The following AGGF1 variants were observed in gnomAD, a reference collection of about 807,000 sequenced individuals.
AGGF1 encodes angiogenic factor with G patch and FHA domains 1.
AGGF1 carries 56 observed loss-of-function variants against 86.5 expected under a neutral mutation model. That is an observed-to-expected ratio of 0.65 (90% CI 0.52 to 0.81). The LOEUF (loss-of-function observed/expected upper bound fraction) is 0.81, where lower values mean the gene tolerates loss of function less well. AGGF1 is among the 30% of genes least tolerant of loss of function. The pLI, the probability that AGGF1 is intolerant of heterozygous loss-of-function variation, is 0.00. For synonymous variants in AGGF1, 313 were observed against 297.1 expected, an observed-to-expected ratio of 1.05 and a Z score of -0.55; for missense variants, 816 against 850.9, an observed-to-expected ratio of 0.96 and a Z score of 0.51.
intron 7 of AGGF1, among the ~76,000 whole-genome samples, chr5:77,048,504 A>C (rs562424376): frequency 2.0e-5 from 3 of 152,216 alleles, no homozygotes; most frequent in Non-Finnish European, 4.4e-5. Context: ...GGCGTGCACC[A>C]CCACGCCCAG....
At chr5:77,051,128 CTAA>C (rs75540354) in intron 8 of AGGF1, among the ~76,000 whole-genome samples, 18,653 of 152,040 alleles carry the variant, frequency 0.12, 1,231 homozygotes, top group East Asian at 0.28. Flanking sequence ...ACCCAAATGG[CTAA>C]TAAATATTAA....
chr5:77,046,981 A>G (rs2150731769), intron 6 of AGGF1, among the ~76,000 whole-genome samples: 1 of 152,314 alleles, frequency 6.6e-6, no homozygotes, highest in East Asian at 1.9e-4. Context: ...AGTGGGTTAG[A>G]TATTTGTAGT....
At chr5:77,052,352 C>CA (rs947891092) in intron 8 of AGGF1, among the ~76,000 whole-genome samples, 153 of 130,206 alleles carry the variant, frequency 1.2e-3, no homozygotes, top group African/African-American at 3.9e-3. Context: ...GACCCTGTCT[C>CA]AAAAAAAAAA....
At chr5:77,062,932 G>T in intron 13 of AGGF1, 120 bp from the exon 14 acceptor site, 1 of 967,334 alleles carries the variant, frequency 1.0e-6, no homozygotes, top group Non-Finnish European at 1.7e-6. Context: ...GCATCTGACA[G>T]GTTTTTCTTT....
chr5:77,044,811 G>C (rs1747213903), intron 5 of AGGF1, among the ~76,000 whole-genome samples: 1 of 152,122 alleles, frequency 6.6e-6, no homozygotes, highest in South Asian at 2.1e-4. Context: ...AACTTACGCT[G>C]TTATCAAAGA....
In AGGF1 at chr5:77,039,716, A is replaced by G; in HGVS notation, c.867A>G (p.Glu289=). The change falls in exon 5 of 14, where the codon GAA becomes GAG. Residue 289 remains glutamate, a synonymous_variant. Coordinates refer to ENST00000312916, the MANE Select transcript of AGGF1 (RefSeq NM_018046.5). The part of the protein sequence containing the change: ...KDPDSSATNE[E]KDLNSEDQKA... Reference sequence around the variant, plus strand: ...CAGATTCTTCTGCAACAAATGAGGAAAAGGTAATGTCTTTACAATTTTAAA... The same window carrying G: ...CAGATTCTTCTGCAACAAATGAGGAGAAGGTAATGTCTTTACAATTTTAAA... 1 of 1,610,168 alleles carries G rather than the reference A, an allele frequency of 6.2e-7. No individual in the cohort carries two copies. Among genetic ancestry groups the G allele is most frequent in the Non-Finnish European group, 8.5e-7 (1 of 1,177,586 alleles).
At chr5:77,044,824 G>C (rs1747214151) in intron 5 of AGGF1, among the ~76,000 whole-genome samples, 1 of 152,086 alleles carries the variant, frequency 6.6e-6, no homozygotes, top group South Asian at 2.1e-4. Context: ...ATCAAAGATA[G>C]GTATGTGAGG....
chr5:77,043,680 A>T (rs1252059462), intron 5 of AGGF1, among the ~76,000 whole-genome samples: 6 of 97,542 alleles, frequency 6.2e-5, no homozygotes, highest in East Asian at 3.1e-4. Context: ...CGGGGGGCTG[A>T]TCCCCCCCAC....
At position 77,030,676 on chromosome 5, in the gene AGGF1, C is replaced by T. The variant is rs990899140; in HGVS notation, c.-91C>T. The T allele has an allele frequency of 1.6e-5, 23 of 1,431,898 alleles. No homozygotes were observed. The highest frequency in any genetic ancestry group is 4.0e-5 in the Admixed American group (2 of 50,424). The allele number at this position is 1,431,898 out of a possible 1,614,324, so 88.7% of individuals were successfully genotyped here. ...GGGTGTGAGGCTGCCTTTCGCTGCC[C>T]GCGCGCTCCAGTGGTCTCTGGGTCC... is the stretch of plus-strand genomic sequence containing the variant. On this transcript the variant is annotated 5_prime_UTR_variant, in exon 1 of 14. Coordinates refer to ENST00000312916, the MANE Select transcript of AGGF1 (RefSeq NM_018046.5).
chr5:77,036,416 G>C (rs1046320633), intron 3 of AGGF1, 140 bp from the exon 4 acceptor site: 1 of 889,190 alleles, frequency 1.1e-6, no homozygotes, highest in African/African-American at 1.7e-5. Context: ...AGTGGTTCAA[G>C]TCATAATTGA....
At chr5:77,040,967 A>AT (rs1236405577) in intron 5 of AGGF1, among the ~76,000 whole-genome samples, 1 of 152,144 alleles carries the variant, frequency 6.6e-6, no homozygotes, top group Non-Finnish European at 1.5e-5. Flanking sequence ...AGCTCAAGTG[A>AT]TCTGCCTACC....
intron 5 of AGGF1, among the ~76,000 whole-genome samples, chr5:77,045,401 A>G (rs891146865): frequency 6.6e-6 from 1 of 152,192 alleles, no homozygotes; most frequent in Non-Finnish European, 1.5e-5. Context: ...TACATTGTGT[A>G]CGTATTTCAA....
rs1289240954 is a variant in AGGF1 at position 77,063,100 on chromosome 5, C to G, written c.1993C>G (p.Pro665Ala). The G allele has an allele frequency of 6.2e-7, 1 of 1,613,848 alleles. No individual in the cohort carries two copies. Among genetic ancestry groups the G allele is most frequent in the African/African-American group, 1.3e-5 (1 of 74,844 alleles). Residue 665 changes from proline (P) to alanine (A), a missense_variant, in exon 14 of 14, where the codon CCA (proline) becomes GCA (alanine). This residue lies in a region of AGGF1 where 565 missense variants were observed against 585.8 expected (regional missense o/e 0.96). Coordinates refer to ENST00000312916, the MANE Select transcript of AGGF1 (RefSeq NM_018046.5). Reference sequence around the variant, plus strand: ...ACATGCAGGCTTGGGGACAGGCAAACCATCCTCATTTGAAGATGTTCACCT... The same window carrying G: ...ACATGCAGGCTTGGGGACAGGCAAAGCATCCTCATTTGAAGATGTTCACCT... Reference protein sequence around the residue: ...RTHAGLGTGKPSSFEDVHLLQ... With the variant: ...RTHAGLGTGKASSFEDVHLLQ...
rs1354752747 is a variant in AGGF1, at chr5:77,030,509, T to C, written c.-258T>C. On this transcript the variant is annotated 5_prime_UTR_variant, in exon 1 of 14. Coordinates refer to ENST00000312916, the MANE Select transcript of AGGF1 (RefSeq NM_018046.5). ...CCTCTGTCTCTGTAGCTGGAGAAGG[T>C]AGTTTCCAGGAAAGTTTTCCGGTTT... 3.0e-6 allele frequency: 2 copies of C among 667,228 alleles called. No homozygotes were observed. Among genetic ancestry groups the C allele is most frequent in the Non-Finnish European group, 5.5e-6 (2 of 362,886 alleles). The allele number at this position is 667,228 out of a possible 1,614,324, so 41.3% of individuals were successfully genotyped here.
intron 9 of AGGF1, 25 bp from the exon 10 acceptor site, chr5:77,053,940 G>T: frequency 6.2e-7 from 1 of 1,612,218 alleles, no homozygotes; most frequent in Non-Finnish European, 8.5e-7. Flanking sequence ...TTTGATTTCT[G>T]TTTTGTAAAA....
intron 8 of AGGF1, 36 bp downstream of exon 8, chr5:77,049,023 A>T: frequency 6.3e-7 from 1 of 1,596,174 alleles, no homozygotes. Flanking sequence ...AGTCCCCTAG[A>T]TGTAATTTTT....
rs1747396973 is a variant in AGGF1, at chr5:77,052,798, G to C, written c.1458G>C (p.Gln486His). Residue 486 changes from glutamine (Q) to histidine (H), a missense_variant, in exon 9 of 14, where the codon CAG becomes CAC. This residue lies in a region of AGGF1 where 565 missense variants were observed against 585.8 expected (regional missense o/e 0.96). Coordinates refer to ENST00000312916, the MANE Select transcript of AGGF1 (RefSeq NM_018046.5). ...SQNGTIVNGKQILQPKTKCDP... is the reference protein window; with the variant it reads ...SQNGTIVNGKHILQPKTKCDP... ...ATGGCACAATTGTTAATGGAAAACA[G>C]ATTCTTCAGGTGAGTGTATATGTGT... 3 of 1,611,780 alleles carry C rather than the reference G, an allele frequency of 1.9e-6. No homozygotes were observed. Among genetic ancestry groups the C allele is most frequent in the Non-Finnish European group, 2.5e-6 (3 of 1,178,130 alleles).
intron 6 of AGGF1, 150 bp from the exon 7 acceptor site, chr5:77,048,011 A>G (rs1747302232): frequency 1.5e-6 from 1 of 667,886 alleles, no homozygotes; most frequent in African/African-American, 1.8e-5. Context: ...ATTGCTGCGT[A>G]TTATACAGCA....
chr5:77,031,127 C>A, intron 1 of AGGF1, 151 bp downstream of exon 1: 1 of 858,514 alleles, frequency 1.2e-6, no homozygotes, highest in Non-Finnish European at 1.8e-6. Flanking sequence ...GTTACAATTC[C>A]AAGTACCTTA....
Sources: gnomAD v4.1 joint callset for allele counts (sites outside exome capture counted in the v4.1 genomes callset) on GRCh38, gnomAD v4.1.1 for gene constraint, gnomAD v4.1.1 regional missense constraint, MANE v1.5 for transcripts, NCBI Gene and HGNC (gene_info 2026-07-23, HGNC 2026-07-21) for gene names.